ICA1L: variants seen among roughly 807,000 people sequenced by gnomAD.
ICA1L encodes islet cell autoantigen 1-like protein.
Under a neutral mutation model 61.3 loss-of-function variants are expected in ICA1L, and 50 were observed. That is an observed-to-expected ratio of 0.82 (90% CI 0.65 to 1.03). The LOEUF is 1.03. ICA1L is among the 50% of genes least tolerant of loss of function. The pLI is 0.00. For missense variants in ICA1L, 508 were observed against 556.7 expected (o/e 0.91, Z 0.88); for synonymous variants, 161 against 191.3 (o/e 0.84, Z 1.31).
At chr2:202,803,887 A>C (rs1461756538) in intron 9 of ICA1L, among the ~76,000 whole-genome samples, 1 of 152,166 alleles carries the variant, frequency 6.6e-6, no homozygotes, top group Non-Finnish European at 1.5e-5. Flanking sequence ...TTAATTCACC[A>C]AAAAGATATA....
At chr2:202,828,392 A>G (rs1693909429) in intron 2 of ICA1L, among the ~76,000 whole-genome samples, 2 of 152,196 alleles carry the variant, frequency 1.3e-5, no homozygotes, top group South Asian at 4.1e-4. Flanking sequence ...AAAACAGCCA[A>G]AAAAGGCATT....
chr2:202,862,408 T>C (rs1232077044), intron 1 of ICA1L, among the ~76,000 whole-genome samples: 2 of 149,160 alleles, frequency 1.3e-5, no homozygotes, highest in African/African-American at 2.5e-5. Flanking sequence ...GAGTGAGCAA[T>C]GATCATGCCA....
At chr2:202,810,816 G>A (rs899942388) in intron 9 of ICA1L, among the ~76,000 whole-genome samples, 1 of 152,132 alleles carries the variant, frequency 6.6e-6, no homozygotes, top group Non-Finnish European at 1.5e-5. Flanking sequence ...TGCTTTGGGG[G>A]CAGCTGTCTT....
At chr2:202,841,232 G>C (rs1404438554) in intron 1 of ICA1L, 2 of 716,500 alleles carry the variant, frequency 2.8e-6, no homozygotes, top group Non-Finnish European at 5.1e-6. Flanking sequence ...TACGTTTGTT[G>C]ATCTCATCCT....
chr2:202,867,696 G>C (rs143145372), intron 1 of ICA1L, among the ~76,000 whole-genome samples: 5 of 152,098 alleles, frequency 3.3e-5, no homozygotes, highest in Non-Finnish European at 7.4e-5. Context: ...ACCCCCATTT[G>C]ATCTTGCTAA....
At chr2:202,860,524 C>A (rs1185584396) in intron 1 of ICA1L, among the ~76,000 whole-genome samples, 1 of 150,832 alleles carries the variant, frequency 6.6e-6, no homozygotes, top group Non-Finnish European at 1.5e-5. Context: ...GAGGCCGAGG[C>A]AGGCAGATCA....
intron 11 of ICA1L, chr2:202,786,843 T>C: frequency 2.4e-6 from 1 of 408,610 alleles, no homozygotes; most frequent in Non-Finnish European, 4.8e-6. Flanking sequence ...AAAATGACAG[T>C]ACTTTGTAAT....
chr2:202,814,856 A>C (rs1166194906), intron 7 of ICA1L, 72 bp from the exon 8 acceptor site: 1 of 1,022,552 alleles, frequency 9.8e-7, no homozygotes, highest in African/African-American at 1.6e-5. Flanking sequence ...GAAAATGAGA[A>C]TATAAATTCT....
In ICA1L at chr2:202,774,033, G is replaced by T; in HGVS notation, c.*5500C>A. 1 of 874,866 alleles carries T rather than the reference G, an allele frequency of 1.1e-6. No individual in the cohort carries two copies. Among genetic ancestry groups the T allele is most frequent in the Non-Finnish European group, 1.8e-6 (1 of 554,128 alleles). The allele number at this position is 874,866 out of a possible 1,614,324, so 54.2% of individuals were successfully genotyped here. On this transcript the variant is annotated 3_prime_UTR_variant, in exon 13 of 13. Transcript: ENST00000358299. ...TTTTTTTAAATTATGAACTAGCGCT[G>T]CTCCACTTCTTGCTTCTTTGATGTG...
intron 10 of ICA1L, among the ~76,000 whole-genome samples, chr2:202,796,649 A>C (rs1036835876): frequency 3.9e-5 from 6 of 152,210 alleles, no homozygotes; most frequent in Admixed American, 3.3e-4. Flanking sequence ...GTTGAGATAC[A>C]TGAGACAGAA....
chr2:202,826,036 CCTCAT>C (rs1185083334), intron 2 of ICA1L, among the ~76,000 whole-genome samples: 17 of 152,094 alleles, frequency 1.1e-4, no homozygotes, highest in Non-Finnish European at 1.6e-4. Context: ...CAGCTCCTGT[CCTCAT>C]CTCAGCTCCA....
chr2:202,812,972 A>G lies in ICA1L; in HGVS notation c.867-1183T>C, dbSNP rs529420900. ...ATATAACATATGATTTTAAATGTCA[A>G]TATTGGCCAGGCGTGATGGCTCACA... On this transcript the variant is annotated intron_variant, in intron 8 of 12. Transcript: ENST00000358299. Among the ~76,000 whole-genome samples the G allele has an allele frequency of 8.5e-5, 13 of 152,326 alleles. No individual in the cohort carries two copies. The South Asian group carries it at 2.5e-3, about 29-fold the overall frequency.
intron 1 of ICA1L, among the ~76,000 whole-genome samples, chr2:202,864,055 T>C (rs1687388195): frequency 6.6e-6 from 1 of 152,244 alleles, no homozygotes; most frequent in South Asian, 2.1e-4. Context: ...TTAAATCCCA[T>C]GAAAACAAAA....
At chr2:202,835,215 CTTTTTT>C (rs544503963) in intron 1 of ICA1L, among the ~76,000 whole-genome samples, 10,815 of 120,390 alleles carry the variant, frequency 0.09, 399 homozygotes, top group Non-Finnish European at 0.12. Flanking sequence ...TGATTTCTTC[CTTTTTT>C]TTTTTTTTTT....
chr2:202,822,985 T>C (rs1400046867), intron 3 of ICA1L, among the ~76,000 whole-genome samples: 1 of 152,232 alleles, frequency 6.6e-6, no homozygotes, highest in Non-Finnish European at 1.5e-5. Context: ...AGTTTACACA[T>C]TATTTGAATC....
chr2:202,858,582 A>G (rs956138033), intron 1 of ICA1L, among the ~76,000 whole-genome samples: 1 of 152,220 alleles, frequency 6.6e-6, no homozygotes. Flanking sequence ...GCACATGTGT[A>G]CCTATGTAAC....
At chr2:202,808,743 A>T (rs1482823705) in intron 9 of ICA1L, among the ~76,000 whole-genome samples, 1 of 152,188 alleles carries the variant, frequency 6.6e-6, no homozygotes, top group Non-Finnish European at 1.5e-5. Context: ...AATACAGGGA[A>T]TTCTCCCAGA....
chr2:202,851,346 A>AT (rs1022325968), intron 1 of ICA1L, among the ~76,000 whole-genome samples: 1 of 152,178 alleles, frequency 6.6e-6, no homozygotes, highest in Non-Finnish European at 1.5e-5. Context: ...TGAACTCATC[A>AT]TTTTTTATGG....
At chr2:202,869,499 A>T (rs1687632960) in intron 1 of ICA1L, 1 of 152,250 alleles carries the variant, frequency 6.6e-6, no homozygotes, top group African/African-American at 2.4e-5. Context: ...AATTTAAAAA[A>T]CACAAAACAC....
Sources: allele counts gnomAD v4.1 joint callset (sites outside exome capture counted in the v4.1 genomes callset), GRCh38; gene constraint gnomAD v4.1.1; transcripts MANE v1.5; gene names NCBI Gene and HGNC (gene_info 2026-07-23, HGNC 2026-07-21).